The following LARS2 variants were observed in gnomAD, a reference collection of about 807,000 sequenced individuals.
The protein encoded by LARS2 is leucine--tRNA ligase, mitochondrial.
In LARS2, 81 loss-of-function variants were observed where a neutral mutation model predicts 116.6. The ratio of observed to expected loss-of-function variants is 0.69; its 90% CI spans 0.58 to 0.84. LARS2 has a LOEUF of 0.84. Ranked by LOEUF, LARS2 falls within the 40% of genes least tolerant of loss-of-function variation. LARS2 has a pLI of 0.00. For missense variants in LARS2, 968 were observed against 1,114.5 expected (o/e 0.87, Z 1.87); for synonymous variants, 396 against 407.2 (o/e 0.97, Z 0.33).
intron 7 of LARS2, among the ~76,000 whole-genome samples, chr3:45,451,420 TG>T (rs1422355844): frequency 6.6e-6 from 1 of 152,172 alleles, no homozygotes; most frequent in Non-Finnish European, 1.5e-5. Context: ...CCTCTGTATA[TG>T]GATATCCAGT....
rs751358079 is a variant in LARS2 at position 45,517,939 on chromosome 3, G to A, written c.2081G>A (p.Arg694Gln). ...CCTGGGGTGCTGAGATGGCAACAACGACTGTGGACCTTGACAACTCGGTTT... is the reference window on the plus strand; with the variant it reads ...CCTGGGGTGCTGAGATGGCAACAACAACTGTGGACCTTGACAACTCGGTTT... ...ALPGVLRWQQ[R>Q]LWTLTTRFIE... The change falls in exon 18 of 22, where the codon CGA becomes CAA. Residue 694 changes from arginine to glutamine, a missense_variant. Physicochemically the swap from Arg to Gln is conservative, Grantham distance 43. Coordinates refer to ENST00000645846, the MANE Select transcript of LARS2 (RefSeq NM_015340.4). 31 of 1,613,772 alleles carry A rather than the reference G, an allele frequency of 1.9e-5. No homozygotes were observed. The highest frequency in any genetic ancestry group is 1.3e-4 in the Admixed American group (8 of 59,928).
In LARS2 at chr3:45,430,287, T is replaced by A. The variant is rs566963310; in HGVS notation, c.516+10558T>A. Among the ~76,000 whole-genome samples the A allele has an allele frequency of 3.2e-3, 400 of 126,886 alleles. 4 individuals are homozygous for A. Among genetic ancestry groups the A allele is most frequent in the African/African-American group, 0.011 (375 of 35,056 alleles). The allele number at this position is 126,886 out of a possible 152,430, so 83.2% of individuals were successfully genotyped here. On this transcript the variant is annotated intron_variant, in intron 6 of 21. Transcript: ENST00000645846. ...GCACCCGGCCATTTTTTTTTTTTTT[T>A]AATTTTTTTGAGACAGAGTCTGGCT... is the stretch of plus-strand genomic sequence containing the variant.
chr3:45,439,829 T>A (rs1455440169), intron 6 of LARS2, among the ~76,000 whole-genome samples: 1 of 152,134 alleles, frequency 6.6e-6, no homozygotes, highest in African/African-American at 2.4e-5. Context: ...CCTACTGAAG[T>A]CTGTTTCATT....
chr3:45,492,926 T>C (rs190311347), intron 13 of LARS2, among the ~76,000 whole-genome samples: 1 of 152,054 alleles, frequency 6.6e-6, no homozygotes, highest in East Asian at 1.9e-4. Context: ...AGGAGGAAAA[T>C]AGCACACCCT....
At chr3:45,390,610 CCTT>C (rs1206634872) in intron 1 of LARS2, among the ~76,000 whole-genome samples, 1 of 149,468 alleles carries the variant, frequency 6.7e-6, no homozygotes, top group East Asian at 2.0e-4. Flanking sequence ...CCAGACCGGG[CCTT>C]CTTTGCCCAT....
rs781382275 is a variant in LARS2, at chr3:45,520,282, A to G, written c.2278A>G (p.Ser760Gly). The change falls in exon 19 of 22, where the codon AGC (serine) becomes GGC (glycine). Residue 760 changes from serine (S) to glycine (G), a missense_variant. Physicochemically the swap from Ser to Gly is moderately conservative, Grantham distance 56. Transcript: ENST00000645846. ...TGCAATTTCTCAGCTGATGGGACTCAGCAATGCCCTCTCGGTAAGTGGCCT... is the reference window on the plus strand; with the variant it reads ...TGCAATTTCTCAGCTGATGGGACTCGGCAATGCCCTCTCGGTAAGTGGCCT... ...NSAISQLMGLSNALSQASQSV... is the reference protein window; with the variant it reads ...NSAISQLMGLGNALSQASQSV... 1.5e-5 allele frequency: 24 copies of G among 1,613,118 alleles called. No homozygotes were observed. In the Admixed American group the frequency reaches 3.7e-4, roughly 25 times the overall value.
intron 20 of LARS2, among the ~76,000 whole-genome samples, chr3:45,524,325 G>A (rs1489705727): frequency 6.6e-6 from 1 of 152,144 alleles, no homozygotes; most frequent in Admixed American, 6.5e-5. Context: ...TTTGAATAAT[G>A]TGCCCAGACT....
rs768333953 is a variant in LARS2, at chr3:45,417,486, T to C, written c.368T>C (p.Ile123Thr). Residue 123 changes from isoleucine (I) to threonine (T), a missense_variant, in exon 5 of 22, where the codon ATC (isoleucine) becomes ACC (threonine). Physicochemically the swap from Ile to Thr is moderately conservative, Grantham distance 89. Coordinates refer to ENST00000645846, the MANE Select transcript of LARS2 (RefSeq NM_015340.4). ...RFQKMRGMQV[I>T]NPMGWDAFGL... ...TGTTCCTCTTCTGGGTCCTAGGTCA[T>C]CAACCCCATGGGATGGGATGCTTTT... 1 of 1,613,512 alleles carries C rather than the reference T, an allele frequency of 6.2e-7. No individual in the cohort carries two copies. The highest frequency in any genetic ancestry group is 1.1e-5 in the South Asian group (1 of 91,052).
At chr3:45,510,137 G>A (rs1018575126) in intron 15 of LARS2, among the ~76,000 whole-genome samples, 1 of 152,072 alleles carries the variant, frequency 6.6e-6, no homozygotes, top group African/African-American at 2.4e-5. Flanking sequence ...TCAAGGCCAG[G>A]AGCAGTGGCT....
intron 6 of LARS2, among the ~76,000 whole-genome samples, chr3:45,430,802 G>C (rs1344257512): frequency 3.3e-5 from 5 of 150,472 alleles, no homozygotes; most frequent in Non-Finnish European, 5.9e-5. Context: ...AGCCAGGATG[G>C]TCTCGATCCC....
chr3:45,519,897 C>A, intron 18 of LARS2: 1 of 215,406 alleles, frequency 4.6e-6, no homozygotes, highest in Non-Finnish European at 9.4e-6. Context: ...ATCCACCCAC[C>A]TCGGCCTTCC....
chr3:45,505,076 G>C (rs1286559549), intron 15 of LARS2, among the ~76,000 whole-genome samples: 1 of 150,740 alleles, frequency 6.6e-6, no homozygotes, highest in African/African-American at 2.4e-5. Context: ...ACAAGACTCT[G>C]TCTAAAAATT....
intron 15 of LARS2, among the ~76,000 whole-genome samples, chr3:45,502,741 A>T (rs575451187): frequency 6.6e-6 from 1 of 151,794 alleles, no homozygotes; most frequent in Non-Finnish European, 1.5e-5. Context: ...CCAGTTTCTA[A>T]TTGTCTCTCT....
chr3:45,451,962 G>A (rs190975668), intron 7 of LARS2, among the ~76,000 whole-genome samples: 147 of 152,052 alleles, frequency 9.7e-4, no homozygotes, highest in African/African-American at 3.4e-3. Context: ...TCTTATAAAT[G>A]GGATTACTTG....
chr3:45,503,859 A>G (rs533402690), intron 15 of LARS2, among the ~76,000 whole-genome samples: 20 of 152,212 alleles, frequency 1.3e-4, no homozygotes, highest in African/African-American at 4.6e-4. Context: ...ACAGAAAGTG[A>G]ACATTGTTGT....
chr3:45,500,692 A>G (rs1700103288), intron 15 of LARS2, 113 bp downstream of exon 15: 5 of 762,340 alleles, frequency 6.6e-6, no homozygotes, highest in Non-Finnish European at 1.0e-5. Flanking sequence ...CTAGTTTTCT[A>G]GTATGCTTTA....
chr3:45,516,130 T>G lies in LARS2; in HGVS notation c.1898T>G (p.Leu633Ter), dbSNP rs754601651. ...GTTCATGCAAAAACGAAAGAGAAGTTAGAGGTGACGTGGGAGAAGATGAGT... is the reference window on the plus strand; with the variant it reads ...GTTCATGCAAAAACGAAAGAGAAGTGAGAGGTGACGTGGGAGAAGATGAGT... Reference protein sequence around the residue: ...VPVHAKTKEKLEVTWEKMSKS... With the variant: ...VPVHAKTKEK The change falls in exon 17 of 22, where the codon TTA (leucine) becomes TGA (stop). Residue 633 changes from leucine (L) to a stop codon, truncating the protein, a stop_gained. Coordinates refer to ENST00000645846, the MANE Select transcript of LARS2 (RefSeq NM_015340.4). LOFTEE classifies it high-confidence loss of function. 1.9e-6 allele frequency: 3 copies of G among 1,614,078 alleles called. No individual in the cohort carries two copies. In the Admixed American group the frequency reaches 5.0e-5, roughly 27 times the overall value.
intron 20 of LARS2, among the ~76,000 whole-genome samples, chr3:45,536,433 A>G (rs1559500589): frequency 6.6e-6 from 1 of 152,212 alleles, no homozygotes; most frequent in Non-Finnish European, 1.5e-5. Context: ...ACACCTACAC[A>G]TACACACACA....
chr3:45,513,426 G>A lies in LARS2; in HGVS notation c.1861+191G>A, dbSNP rs111489802. 1.2e-3 allele frequency among the ~76,000 whole-genome samples: 189 copies of A among 152,330 alleles called. 1 individual carries two copies. Among genetic ancestry groups the A allele is most frequent in the African/African-American group, 3.9e-3 (162 of 41,574 alleles). On this transcript the variant is annotated intron_variant, in intron 16 of 21. Transcript: ENST00000645846. The stretch of plus-strand genomic sequence containing the variant: ...CCTGAAGCCTGGTCCTGGACTGGCC[G>A]TCTGCTCCTCTGCTGCAGCCCCCTT...
Sources: gnomAD v4.1 joint callset for allele counts (sites outside exome capture counted in the v4.1 genomes callset) on GRCh38, gnomAD v4.1.1 for gene constraint, MANE v1.5 for transcripts, NCBI Gene and HGNC (gene_info 2026-07-23, HGNC 2026-07-21) for gene names.